Variants in CHLSN observed in about 807,000 individuals in gnomAD.
CHLSN encodes the protein protein cholesin.
the CHLSN span, among the ~76,000 whole-genome samples, chr7:1,134,221 C>T: frequency 6.7e-6 from 1 of 148,284 alleles, no homozygotes; most frequent in Admixed American, 6.8e-5. Context: ...TGCAGTGAAT[C>T]ACGATCACGC....
the CHLSN span, among the ~76,000 whole-genome samples, chr7:1,089,362 C>T: frequency 6.6e-6 from 1 of 152,170 alleles, no homozygotes; most frequent in Non-Finnish European, 1.5e-5. Context: ...TCTTCCCCAC[C>T]CGCCTGTTTT....
At chr7:1,059,324 T>A in the CHLSN span, 1 of 156,534 alleles carries the variant, frequency 6.4e-6, no homozygotes, top group Non-Finnish European at 1.5e-5. Context: ...GGCTGGAGGC[T>A]GTGTCACACG....
chr7:1,008,097 C>A, the CHLSN span, among the ~76,000 whole-genome samples: 1 of 152,218 alleles, frequency 6.6e-6, no homozygotes, highest in African/African-American at 2.4e-5. Flanking sequence ...AACAGCCACG[C>A]CCCGAGGCAC....
the CHLSN span, among the ~76,000 whole-genome samples, chr7:1,051,408 C>A: frequency 6.6e-6 from 1 of 152,236 alleles, no homozygotes; most frequent in East Asian, 1.9e-4. Flanking sequence ...TCCCGCACAG[C>A]GTGGGGAGCA....
chr7:1,050,139 G>C, the CHLSN span, among the ~76,000 whole-genome samples: 1 of 152,206 alleles, frequency 6.6e-6, no homozygotes, highest in Non-Finnish European at 1.5e-5. Context: ...TACGGGCTCA[G>C]GGCTGTGCAG....
the CHLSN span, among the ~76,000 whole-genome samples, chr7:1,126,378 A>AAAAAAAAAAT: frequency 6.9e-6 from 1 of 145,408 alleles, no homozygotes; most frequent in Non-Finnish European, 1.5e-5. Context: ...AAAAAAAAAA[A>AAAAAAAAAAT]AAAAAGAATA....
At chr7:1,127,395 G>C in the CHLSN span, 3 of 1,596,222 alleles carry the variant, frequency 1.9e-6, no homozygotes, top group Non-Finnish European at 2.6e-6. Context: ...TCCTGCAACA[G>C]AGAAAGTAAA....
At chr7:987,257 G>A in the CHLSN span, 1 of 1,510,296 alleles carries the variant, frequency 6.6e-7, no homozygotes, top group Non-Finnish European at 8.9e-7. Context: ...TGAGACCCCG[G>A]CGCCTGGCGA....
the CHLSN span, among the ~76,000 whole-genome samples, chr7:1,107,673 C>T: frequency 4.9e-3 from 748 of 152,370 alleles, 4 homozygotes; most frequent in African/African-American, 0.017. Context: ...ACCACCGTGA[C>T]GTACAGTCTG....
the CHLSN span, among the ~76,000 whole-genome samples, chr7:1,104,536 T>G: frequency 6.6e-6 from 1 of 152,174 alleles, no homozygotes; most frequent in Admixed American, 6.5e-5. Context: ...ACAGCAGAGC[T>G]TTCCTCCAGG....
chr7:1,093,076 C>T, the CHLSN span: 1 of 698,982 alleles, frequency 1.4e-6, no homozygotes, highest in Admixed American at 2.0e-5. Flanking sequence ...TTGCTACAAT[C>T]CCAAAGCGCT....
the CHLSN span, among the ~76,000 whole-genome samples, chr7:1,069,347 C>T: frequency 1.1e-3 from 170 of 148,912 alleles, no homozygotes; most frequent in African/African-American, 4.2e-3. Flanking sequence ...CAATAAATAG[C>T]TCTCCCTCTC....
At chr7:1,006,610 C>T in the CHLSN span, among the ~76,000 whole-genome samples, 333 of 117,890 alleles carry the variant, frequency 2.8e-3, 5 homozygotes, top group Non-Finnish European at 4.3e-3. Context: ...ACGGCCACAG[C>T]GCGGGGAAAG....
the CHLSN span, chr7:1,057,909 G>T: frequency 1.3e-6 from 1 of 775,626 alleles, no homozygotes; most frequent in Non-Finnish European, 2.4e-6. Context: ...CATCGAGCGT[G>T]CACTGCCGCG....
the CHLSN span, chr7:1,045,316 T>A: frequency 6.6e-6 from 1 of 152,296 alleles, no homozygotes; most frequent in Non-Finnish European, 1.5e-5. Context: ...CAGAGGATAA[T>A]TCTGTATTCG....
chr7:1,023,254 A>C, the CHLSN span, among the ~76,000 whole-genome samples: 1 of 152,174 alleles, frequency 6.6e-6, no homozygotes. The surrounding 1 kb of genome is among the most constrained non-coding windows in gnomAD (Gnocchi z 5.0). Context: ...GGCTGAGCGC[A>C]AGTGATGTGT....
At chr7:986,023 G>A in the CHLSN span, among the ~76,000 whole-genome samples, 18 of 152,282 alleles carry the variant, frequency 1.2e-4, no homozygotes, top group African/African-American at 4.3e-4. Context: ...GAGCCCACCT[G>A]GAAGATGGAG....
chr7:985,252 G>A, the CHLSN span: 2 of 1,551,978 alleles, frequency 1.3e-6, no homozygotes, highest in Non-Finnish European at 8.7e-7. Flanking sequence ...TGACTACCGG[G>A]ACCCCGTGTT....
At chr7:1,021,170 A>C in the CHLSN span, among the ~76,000 whole-genome samples, 1 of 150,036 alleles carries the variant, frequency 6.7e-6, no homozygotes. Context: ...GTTGGGGATC[A>C]CCAGGTTAAG....
Sources: gnomAD v4.1 joint callset for allele counts (sites outside exome capture counted in the v4.1 genomes callset) on GRCh38, gnomAD v4.1.1 for gene constraint, Gnocchi (gnomAD v3.1) non-coding constraint, MANE v1.5 for transcripts, NCBI Gene and HGNC (gene_info 2026-07-23, HGNC 2026-07-21) for gene names.